The following GABRB3 variants were observed in gnomAD, a reference collection of about 807,000 sequenced individuals.
GABRB3 encodes the protein gamma-aminobutyric acid receptor subunit beta-3.
In GABRB3, 14 loss-of-function variants were observed where a neutral mutation model predicts 52.1. The ratio of observed to expected loss-of-function variants is 0.27; its 90% CI spans 0.18 to 0.42. The LOEUF is 0.42. Ranked by LOEUF, GABRB3 falls within the 10% of genes least tolerant of loss-of-function variation. GABRB3 has a pLI of 1.00. For synonymous variants in GABRB3, 260 were observed against 232.3 expected (o/e 1.12, Z -1.08); for missense variants, 307 against 609.1 (o/e 0.50, Z 5.22).
rs201406151 is a variant in GABRB3, at chr15:26,554,031, ATATATTTATT to A, written c.1081-5907_1081-5898del. ...CTGACACCTGACTATTTATATATAT[ATATATTTATT>A]TATTTATATTTATTTATATATAAAG... On this transcript the variant is annotated intron_variant, in intron 8 of 8. Coordinates refer to ENST00000311550, the MANE Select transcript of GABRB3 (RefSeq NM_000814.6). Among the ~76,000 whole-genome samples, 562 of 76,008 alleles carry A rather than the reference ATATATTTATT, an allele frequency of 7.4e-3. 83 individuals are homozygous for A. Among genetic ancestry groups the A allele is most frequent in the African/African-American group, 0.032 (546 of 16,808 alleles). The allele number at this position is 76,008 out of a possible 152,430, so 49.9% of individuals were successfully genotyped here. A position where few individuals can be genotyped will look rare whatever the true frequency, so the allele number is the denominator to read the frequency against.
intron 3 of GABRB3, among the ~76,000 whole-genome samples, chr15:26,635,884 T>C (rs1438455394): frequency 6.6e-6 from 1 of 152,282 alleles, no homozygotes; most frequent in African/African-American, 2.4e-5. Flanking sequence ...TGCCTATTTC[T>C]AGTTTCTGTG....
At chr15:26,608,182 G>T (rs1891915943) in intron 4 of GABRB3, among the ~76,000 whole-genome samples, 1 of 150,548 alleles carries the variant, frequency 6.6e-6, no homozygotes, top group African/African-American at 2.4e-5. Context: ...CTTTCAATAT[G>T]ATTTTTGCCA....
At chr15:26,655,741 CAAAA>C (rs79202855) in intron 3 of GABRB3, among the ~76,000 whole-genome samples, 1 of 81,150 alleles carries the variant, frequency 1.2e-5, no homozygotes. Context: ...GACTCTGTCT[CAAAA>C]AAAAAAAAAA....
At position 26,546,036 on chromosome 15, in the gene GABRB3, C is replaced by T. The variant is rs1889225651; in HGVS notation, c.*1757G>A. 6.6e-6 allele frequency: 1 copy of T among 152,610 alleles called. No individual in the cohort carries two copies. The highest frequency in any genetic ancestry group is 6.5e-5 in the Admixed American group (1 of 15,272). 9.5% of individuals were successfully genotyped at this position (152,610 alleles called of 1,614,324 possible). A position where few individuals can be genotyped will look rare whatever the true frequency, so the allele number is the denominator to read the frequency against. On this transcript the variant is annotated 3_prime_UTR_variant, in exon 9 of 9. Transcript: ENST00000311550. ...GGATAGTCCACACCACACGCATCCTCGGGGAGGGTGGTGCCTCTACCTACA... is the reference window on the plus strand; with the variant it reads ...GGATAGTCCACACCACACGCATCCTTGGGGAGGGTGGTGCCTCTACCTACA...
intron 4 of GABRB3, among the ~76,000 whole-genome samples, chr15:26,596,050 G>C (rs72702155): frequency 0.035 from 5,373 of 152,056 alleles, 134 homozygotes; most frequent in Middle Eastern, 0.082. Flanking sequence ...TCAGCCTTTG[G>C]GGGTAGGCAT....
intron 3 of GABRB3, among the ~76,000 whole-genome samples, chr15:26,668,537 G>A (rs59634446): frequency 0.15 from 22,974 of 151,790 alleles, 1,888 homozygotes; most frequent in Non-Finnish European, 0.19. Flanking sequence ...TCATTTATGT[G>A]TTTTTTTCTG....
At chr15:26,767,391 A>T (rs1393654563) in intron 3 of GABRB3, among the ~76,000 whole-genome samples, 3 of 152,220 alleles carry the variant, frequency 2.0e-5, no homozygotes, top group Non-Finnish European at 4.4e-5. Flanking sequence ...AGAAGCAATC[A>T]GTAAAGGACA....
chr15:26,664,701 T>C (rs972346179), intron 3 of GABRB3, among the ~76,000 whole-genome samples: 1 of 116,584 alleles, frequency 8.6e-6, no homozygotes, highest in African/African-American at 3.1e-5. Context: ...TTTTCTTTTC[T>C]TTGTTTTTTT....
intron 5 of GABRB3, among the ~76,000 whole-genome samples, chr15:26,580,977 C>T (rs1350092998): frequency 6.6e-6 from 1 of 152,212 alleles, no homozygotes; most frequent in Non-Finnish European, 1.5e-5. Flanking sequence ...TTTATCAGCT[C>T]TTCCTGGCCA....
intron 3 of GABRB3, chr15:26,772,200 C>A (rs1891166504): frequency 2.1e-6 from 1 of 487,788 alleles, no homozygotes; most frequent in Admixed American, 4.3e-5. Context: ...GCGGCTCCGA[C>A]GCCAGCCAGG....
At chr15:26,576,351 C>T (rs975286218) in intron 6 of GABRB3, among the ~76,000 whole-genome samples, 1 of 152,064 alleles carries the variant, frequency 6.6e-6, no homozygotes, top group Non-Finnish European at 1.5e-5. Context: ...TACAGAATTT[C>T]CTGAAATGAA....
At chr15:26,550,033 G>A (rs1399126605) in intron 8 of GABRB3, 4 of 152,098 alleles carry the variant, frequency 2.6e-5, no homozygotes, top group Non-Finnish European at 5.9e-5. Context: ...GTAACCCTAT[G>A]CAAAAGTGAC....
chr15:26,740,892 C>A (rs1014940435), intron 3 of GABRB3, among the ~76,000 whole-genome samples: 9 of 152,130 alleles, frequency 5.9e-5, no homozygotes, highest in African/African-American at 2.2e-4. Context: ...GGTTCCCCAA[C>A]ACACACAAGC....
chr15:26,585,379 C>T (rs889904461), intron 4 of GABRB3, among the ~76,000 whole-genome samples: 3 of 152,154 alleles, frequency 2.0e-5, no homozygotes, highest in Admixed American at 6.5e-5. Context: ...CCTACTAATG[C>T]TGCAGGTAAT....
At chr15:26,741,045 A>AGTGTGTGTGTGTGT (rs55860555) in intron 3 of GABRB3, among the ~76,000 whole-genome samples, 58 of 55,298 alleles carry the variant, frequency 1.0e-3, no homozygotes, top group South Asian at 3.9e-3. Context: ...GGGAGGAATA[A>AGTGTGTGTGTGTGT]GTGTGTGTGT....
chr15:26,575,572 T>C (rs1890566162), intron 6 of GABRB3, among the ~76,000 whole-genome samples: 1 of 152,174 alleles, frequency 6.6e-6, no homozygotes. Flanking sequence ...ATCCTAGGCT[T>C]TAGTTAAGCA....
At chr15:26,624,854 T>C in intron 3 of GABRB3, 1 of 985,450 alleles carries the variant, frequency 1.0e-6, no homozygotes, top group Non-Finnish European at 1.2e-6. Flanking sequence ...AGGGTTTTCC[T>C]GTTACGGGAG....
intron 3 of GABRB3, among the ~76,000 whole-genome samples, chr15:26,671,019 C>T (rs1287152229): frequency 1.3e-5 from 2 of 152,190 alleles, no homozygotes; most frequent in Non-Finnish European, 2.9e-5. Context: ...GCTGGGATCA[C>T]AGGTGTGCAC....
chr15:26,620,329 T>C (rs1892436370), intron 4 of GABRB3, among the ~76,000 whole-genome samples: 1 of 152,218 alleles, frequency 6.6e-6, no homozygotes, highest in Non-Finnish European at 1.5e-5. Context: ...TGAGGCTATG[T>C]TAAATCATTC....
Sources: allele counts gnomAD v4.1 joint callset (sites outside exome capture counted in the v4.1 genomes callset), GRCh38; gene constraint gnomAD v4.1.1; transcripts MANE v1.5; gene names NCBI Gene and HGNC (gene_info 2026-07-23, HGNC 2026-07-21).